The following PIK3CB variants were observed in gnomAD, a reference collection of about 807,000 sequenced individuals.
PIK3CB encodes phosphatidylinositol 4,5-bisphosphate 3-kinase catalytic subunit beta isoform.
PIK3CB carries 39 observed loss-of-function variants against 136.8 expected under a neutral mutation model. The observed-to-expected ratio is 0.29, with a 90% CI of 0.22 to 0.37. The LOEUF (loss-of-function observed/expected upper bound fraction) is 0.37. PIK3CB is among the 10% of genes least tolerant of loss of function. PIK3CB has a pLI of 1.00. For missense variants in PIK3CB, 868 were observed against 1,275.4 expected (o/e 0.68, Z 4.87); for synonymous variants, 428 against 436.6 (o/e 0.98, Z 0.25).
intron 9 of PIK3CB, among the ~76,000 whole-genome samples, chr3:138,712,552 A>G (rs2044524215): frequency 6.6e-6 from 1 of 152,106 alleles, no homozygotes; most frequent in African/African-American, 2.4e-5. Context: ...TATGGACTAA[A>G]AAGCCTTGTG....
At chr3:138,713,495 T>C (rs919607108) in intron 9 of PIK3CB, among the ~76,000 whole-genome samples, 1 of 151,618 alleles carries the variant, frequency 6.6e-6, no homozygotes, top group African/African-American at 2.4e-5. Flanking sequence ...CATGGTGAAA[T>C]CCTGTTTCTA....
chr3:138,711,729 T>C (rs2044504672), intron 10 of PIK3CB, among the ~76,000 whole-genome samples: 1 of 151,874 alleles, frequency 6.6e-6, no homozygotes, highest in South Asian at 2.1e-4. Flanking sequence ...ATGAGCTAAA[T>C]GAATAATTTG....
At chr3:138,825,279 G>A (rs1397726690) in intron 1 of PIK3CB, 1 of 459,954 alleles carries the variant, frequency 2.2e-6, no homozygotes, top group Non-Finnish European at 4.0e-6. Context: ...GGCTGACTGT[G>A]CTGTTCTGAT....
chr3:138,804,851 C>A (rs996820888), intron 1 of PIK3CB, among the ~76,000 whole-genome samples: 1 of 151,828 alleles, frequency 6.6e-6, no homozygotes, highest in Non-Finnish European at 1.5e-5. Context: ...GGTGAAACCC[C>A]GTCTCTACTA....
rs907297172 is a variant in PIK3CB, at chr3:138,693,414, T to C, written c.1892+1372A>G. 3.3e-5 allele frequency among the ~76,000 whole-genome samples: 5 copies of C among 152,002 alleles called. No homozygotes were observed. The South Asian group carries it at 6.2e-4, about 19-fold the overall frequency. ...CTGGCTGAATTATTATTATTTTTTT[T>C]TGGAGACGGAGTCTCGCTCTGTCAA... On this transcript the variant is annotated intron_variant, in intron 14 of 23. Coordinates refer to ENST00000674063, the MANE Select transcript of PIK3CB (RefSeq NM_006219.3).
intron 19 of PIK3CB, among the ~76,000 whole-genome samples, chr3:138,670,271 T>C (rs1358859324): frequency 6.6e-6 from 1 of 152,222 alleles, no homozygotes; most frequent in Non-Finnish European, 1.5e-5. Flanking sequence ...GAAACAGTCT[T>C]TAGCTTAGCT....
At chr3:138,809,276 T>G (rs926781815) in intron 1 of PIK3CB, among the ~76,000 whole-genome samples, 1 of 145,088 alleles carries the variant, frequency 6.9e-6, no homozygotes, top group African/African-American at 2.6e-5. Flanking sequence ...AGATTCTGTC[T>G]CAAAAAAAAA....
chr3:138,657,502 C>A, intron 22 of PIK3CB, 188 bp downstream of exon 22: 1 of 543,824 alleles, frequency 1.8e-6, no homozygotes, highest in South Asian at 2.6e-5. Context: ...TTCTAGCATT[C>A]TGTTTCTCCT....
intron 1 of PIK3CB, among the ~76,000 whole-genome samples, chr3:138,799,491 T>C (rs2046147949): frequency 6.6e-6 from 1 of 152,070 alleles, no homozygotes. Flanking sequence ...AACCAGAATG[T>C]ACCTTGTACA....
chr3:138,709,109 C>T (rs2044441104), intron 10 of PIK3CB, among the ~76,000 whole-genome samples: 1 of 151,754 alleles, frequency 6.6e-6, no homozygotes, highest in Non-Finnish European at 1.5e-5. Context: ...ATATATACTA[C>T]ACATGGAGAG....
intron 1 of PIK3CB, among the ~76,000 whole-genome samples, chr3:138,815,968 C>G (rs1277079920): frequency 6.6e-6 from 1 of 152,216 alleles, no homozygotes; most frequent in African/African-American, 2.4e-5. Context: ...CACACACACT[C>G]AGTGATAATC....
chr3:138,778,105 AT>A, intron 2 of PIK3CB: 1 of 369,558 alleles, frequency 2.7e-6, no homozygotes, highest in African/African-American at 2.1e-5. Flanking sequence ...CCACAATTAC[AT>A]TGTGGAGACC....
At chr3:138,748,778 T>C (rs887942038) in intron 4 of PIK3CB, among the ~76,000 whole-genome samples, 6 of 152,206 alleles carry the variant, frequency 3.9e-5, no homozygotes, top group Non-Finnish European at 7.3e-5. Flanking sequence ...AGTTTTTGTT[T>C]TGGATACTTG....
At chr3:138,771,109 T>A (rs2045793660) in intron 2 of PIK3CB, among the ~76,000 whole-genome samples, 1 of 152,190 alleles carries the variant, frequency 6.6e-6, no homozygotes, top group African/African-American at 2.4e-5. Flanking sequence ...CTTTGGTCCC[T>A]ACCCCCGACG....
At chr3:138,797,184 A>G (rs2046118615) in intron 1 of PIK3CB, 1 of 153,748 alleles carries the variant, frequency 6.5e-6, no homozygotes, top group South Asian at 2.1e-4. Flanking sequence ...GAGAAGGCAT[A>G]TATTCAACAG....
rs1349482770 is a variant in PIK3CB, at chr3:138,705,183, A to AAAAACAT, written c.1531-691_1531-690insATGTTTT. 1.2e-4 allele frequency among the ~76,000 whole-genome samples: 10 copies of AAAAACAT among 85,570 alleles called. 2 individuals are homozygous for AAAAACAT. The highest frequency in any genetic ancestry group is 1.9e-4 in the African/African-American group (3 of 16,100). The allele number at this position is 85,570 out of a possible 152,430, so 56.1% of individuals were successfully genotyped here. A position where few individuals can be genotyped will look rare whatever the true frequency, so the allele number is the denominator to read the frequency against. Reference sequence around the variant, plus strand: ...AAAAAAAAAAAAAAAACAAAAAACAAAACAAACAAAAAAAAAAACTTATAT... The same window carrying AAAAACAT: ...AAAAAAAAAAAAAAAACAAAAAACAAAAAACATAACAAACAAAAAAAAAAACTTATAT... On this transcript the variant is annotated intron_variant, in intron 11 of 23. Transcript: ENST00000674063.
At chr3:138,800,468 G>A (rs951003341) in intron 1 of PIK3CB, among the ~76,000 whole-genome samples, 6 of 151,136 alleles carry the variant, frequency 4.0e-5, no homozygotes, top group East Asian at 1.9e-4. Flanking sequence ...GACTACAGGC[G>A]TGTGCCACCA....
intron 8 of PIK3CB, among the ~76,000 whole-genome samples, chr3:138,731,355 C>T (rs559126168): frequency 7.2e-5 from 11 of 152,098 alleles, no homozygotes; most frequent in Admixed American, 1.3e-4. Context: ...CAGGCTCCAG[C>T]GATCCTCCCA....
intron 4 of PIK3CB, among the ~76,000 whole-genome samples, chr3:138,754,013 T>C (rs900029385): frequency 7.2e-5 from 11 of 152,162 alleles, no homozygotes; most frequent in Non-Finnish European, 8.8e-5. Context: ...AAGAAATATA[T>C]CAAAATATTG....
Sources: gnomAD v4.1 joint callset for allele counts (sites outside exome capture counted in the v4.1 genomes callset) on GRCh38, gnomAD v4.1.1 for gene constraint, MANE v1.5 for transcripts, NCBI Gene and HGNC (gene_info 2026-07-23, HGNC 2026-07-21) for gene names.